DKK2: variants seen among roughly 807,000 people sequenced by gnomAD.
DKK2 encodes dickkopf-related protein 2.
Under a neutral mutation model 28.1 loss-of-function variants are expected in DKK2, and 11 were observed. The ratio of observed to expected loss-of-function variants is 0.39; its 90% CI spans 0.25 to 0.65. The LOEUF is 0.65. Ranked by LOEUF, DKK2 falls within the 30% of genes least tolerant of loss-of-function variation. The pLI, the probability that DKK2 is intolerant of heterozygous loss-of-function variation, is 0.47. For missense variants in DKK2, 326 were observed against 335.5 expected (o/e 0.97, Z 0.22); for synonymous variants, 135 against 126.5 (o/e 1.07, Z -0.45).
chr4:106,956,618 C>A (rs972940196), intron 1 of DKK2, among the ~76,000 whole-genome samples: 171 of 152,234 alleles, frequency 1.1e-3, no homozygotes, highest in Non-Finnish European at 1.4e-3. Context: ...ACTATCTGAT[C>A]TTTGACAAAC....
intron 1 of DKK2, among the ~76,000 whole-genome samples, chr4:106,995,869 C>T (rs1440654417): frequency 6.6e-6 from 1 of 152,164 alleles, no homozygotes; most frequent in Non-Finnish European, 1.5e-5. Context: ...CTTCTGCCTC[C>T]CAAAGTGCTG....
rs1359603661 is a variant in DKK2 at position 107,035,461 on chromosome 4, C to T, written c.131G>A (p.Gly44Glu). Residue 44 changes from glycine (G) to glutamate (E), a missense_variant, in exon 1 of 4, where the codon GGG becomes GAG. Gly to Glu is a moderately conservative substitution (Grantham distance 98, BLOSUM62 -2). Transcript: ENST00000285311. Reference sequence around the variant, plus strand: ...ATTGGCGGCCTGACCAGGCGTCTCCCCGCCCAGAGAGGACTTGATGGAGTT... The same window carrying T: ...ATTGGCGGCCTGACCAGGCGTCTCCTCGCCCAGAGAGGACTTGATGGAGTT... ...KLNSIKSSLG[G>E]ETPGQAANRS... is the part of the protein sequence containing the mutation. 6.2e-7 allele frequency: 1 copy of T among 1,614,212 alleles called. No homozygotes were observed. The highest frequency in any genetic ancestry group is 1.7e-5 in the Admixed American group (1 of 60,022).
intron 1 of DKK2, among the ~76,000 whole-genome samples, chr4:106,988,305 C>T (rs1210449530): frequency 6.6e-6 from 1 of 152,170 alleles, no homozygotes; most frequent in Non-Finnish European, 1.5e-5. Context: ...CTCAAAGTAA[C>T]ATTGACTCCT....
chr4:106,979,592 T>C (rs1189585275), intron 1 of DKK2, among the ~76,000 whole-genome samples: 3 of 152,176 alleles, frequency 2.0e-5, no homozygotes, highest in Non-Finnish European at 4.4e-5. Flanking sequence ...GTACCATAAA[T>C]AGGCTACTCC....
chr4:107,033,197 AT>A (rs1447198333), intron 1 of DKK2, among the ~76,000 whole-genome samples: 1 of 152,136 alleles, frequency 6.6e-6, no homozygotes, highest in South Asian at 2.1e-4. Context: ...TATGTTAACA[AT>A]TTTTTTCACA....
intron 1 of DKK2, among the ~76,000 whole-genome samples, chr4:106,953,879 C>T (rs1722540408): frequency 6.6e-6 from 1 of 152,170 alleles, no homozygotes; most frequent in South Asian, 2.1e-4. Flanking sequence ...ATCTTAAGCT[C>T]TTGACTTCTA....
intron 1 of DKK2, among the ~76,000 whole-genome samples, chr4:106,996,408 G>A (rs534462885): frequency 2.0e-5 from 3 of 152,094 alleles, no homozygotes; most frequent in Non-Finnish European, 4.4e-5. Context: ...AGATTATAAG[G>A]TTAGTATGCT....
rs1723496955 is a variant in DKK2 at position 107,010,189 on chromosome 4, T to A, written c.222+25181A>T. On this transcript the variant is annotated intron_variant, in intron 1 of 3. Coordinates refer to ENST00000285311, the MANE Select transcript of DKK2 (RefSeq NM_014421.3). ...AATAATACAATATTTATACTCATAGTATGTGATTTTATTTAAATTACAAGC... is the reference window on the plus strand; with the variant it reads ...AATAATACAATATTTATACTCATAGAATGTGATTTTATTTAAATTACAAGC... 1.3e-5 allele frequency among the ~76,000 whole-genome samples: 2 copies of A among 151,748 alleles called. 1 individual carries two copies. The highest frequency in any genetic ancestry group is 4.1e-4 in the South Asian group (2 of 4,828).
chr4:106,963,730 C>G (rs1038414160), intron 1 of DKK2, among the ~76,000 whole-genome samples: 2 of 152,066 alleles, frequency 1.3e-5, no homozygotes, highest in Non-Finnish European at 2.9e-5. Flanking sequence ...ATTTGAACTC[C>G]CATGTTTATT....
chr4:106,959,099 C>T (rs1322846465), intron 1 of DKK2, among the ~76,000 whole-genome samples: 1 of 151,970 alleles, frequency 6.6e-6, no homozygotes, highest in Non-Finnish European at 1.5e-5. Context: ...ATCAAGCAGA[C>T]AGTATTTTGG....
At position 106,971,000 on chromosome 4, in the gene DKK2, G is replaced by A. The variant is rs190869774; in HGVS notation, c.223-45051C>T. 2.6e-5 allele frequency among the ~76,000 whole-genome samples: 4 copies of A among 152,158 alleles called. No individual in the cohort carries two copies. In the East Asian group the frequency reaches 5.8e-4, roughly 22 times the overall value. On this transcript the variant is annotated intron_variant, in intron 1 of 3. Coordinates refer to ENST00000285311, the MANE Select transcript of DKK2 (RefSeq NM_014421.3). The stretch of plus-strand genomic sequence containing the variant: ...TTTAAACTTTTAAAATACCAAATTA[G>A]GTTTTGCTTTGCTTTGCTTTACTGA...
intron 1 of DKK2, among the ~76,000 whole-genome samples, chr4:106,969,465 G>GA (rs202080640): frequency 0.017 from 2,630 of 150,372 alleles, 39 homozygotes; most frequent in Non-Finnish European, 0.026. Context: ...CAGTTAAACA[G>GA]AAAAAAAAAT....
chr4:106,924,647 C>T lies in DKK2; in HGVS notation c.427G>A (p.Asp143Asn). ...TTTCGATCTCTGTGCCGAGTACCAT[C>T]CAGAGCCGGGATGTGAGGGGTTAAG... is the stretch of plus-strand genomic sequence containing the variant. Reference protein sequence around the residue: ...SILTPHIPALDGTRHRDRNHG... With the variant: ...SILTPHIPALNGTRHRDRNHG... Residue 143 changes from aspartate (D) to asparagine (N), a missense_variant, in exon 3 of 4, where the codon GAT becomes AAT. Transcript: ENST00000285311. The T allele has an allele frequency of 1.2e-6, 2 of 1,613,836 alleles. No individual in the cohort carries two copies. The highest frequency in any genetic ancestry group is 8.5e-7 in the Non-Finnish European group (1 of 1,179,812).
intron 1 of DKK2, among the ~76,000 whole-genome samples, chr4:106,941,000 C>T (rs1724689388): frequency 1.3e-5 from 2 of 151,806 alleles, no homozygotes; most frequent in Non-Finnish European, 2.9e-5. Context: ...GGAGATACAC[C>T]TAATGCTAGA....
intron 1 of DKK2, among the ~76,000 whole-genome samples, chr4:106,934,008 ATATACATATATACACACAC>A (rs1724540229): frequency 6.6e-6 from 1 of 151,200 alleles, no homozygotes; most frequent in African/African-American, 2.4e-5. Flanking sequence ...ATGTATGTAT[ATATACATATATACACACAC>A]TATATATATA....
Position 106,937,837 on chromosome 4 carries a change from G to T in DKK2, c.223-11888C>A, listed in dbSNP as rs1724621106. ...CTCACTCAAAACCGGTCAACTACATGGAAACTGAACAACCTGCTCCTGAAT... is the reference window on the plus strand; with the variant it reads ...CTCACTCAAAACCGGTCAACTACATTGAAACTGAACAACCTGCTCCTGAAT... On this transcript the variant is annotated intron_variant, in intron 1 of 3. Transcript: ENST00000285311. Among the ~76,000 whole-genome samples, 3 of 152,022 alleles carry T rather than the reference G, an allele frequency of 2.0e-5. No homozygotes were observed. The South Asian group carries it at 6.2e-4, about 32-fold the overall frequency.
intron 1 of DKK2, among the ~76,000 whole-genome samples, chr4:107,012,573 A>G (rs2110369666): frequency 6.6e-6 from 1 of 151,410 alleles, no homozygotes; most frequent in South Asian, 2.1e-4. Context: ...TGAGTAACAG[A>G]AGAATATACT....
rs546685193 is a variant in DKK2 at position 106,989,904 on chromosome 4, TAAATGAA to T, written c.222+45459_222+45465del. Among the ~76,000 whole-genome samples the T allele has an allele frequency of 6.8e-4, 103 of 152,318 alleles. No homozygotes were observed. The Middle Eastern group carries it at 0.024, about 35-fold the overall frequency. On this transcript the variant is annotated intron_variant, in intron 1 of 3. Transcript: ENST00000285311. ...TTTTCTAGTAAACACATTTAAAAGT[TAAATGAA>T]ACAGGTGAAATTAATCTTAAAAATA...
chr4:107,000,208 G>A (rs1338517984), intron 1 of DKK2, among the ~76,000 whole-genome samples: 1 of 151,980 alleles, frequency 6.6e-6, no homozygotes, highest in Non-Finnish European at 1.5e-5. Flanking sequence ...CTTGGTCAAT[G>A]GTAATTTTAT....
Sources: gnomAD v4.1 joint callset for allele counts (sites outside exome capture counted in the v4.1 genomes callset) on GRCh38, gnomAD v4.1.1 for gene constraint, MANE v1.5 for transcripts, NCBI Gene and HGNC (gene_info 2026-07-23, HGNC 2026-07-21) for gene names.